ZC2HC1B: variants seen among roughly 807,000 people sequenced by gnomAD.
The protein encoded by ZC2HC1B is zinc finger C2HC domain-containing protein 1B.
In ZC2HC1B, 36 loss-of-function variants were observed where a neutral mutation model predicts 31.0. The ratio of observed to expected loss-of-function variants is 1.16; its 90% CI spans 0.89 to 1.54. The LOEUF (loss-of-function observed/expected upper bound fraction) is 1.54. ZC2HC1B is among the 40% of genes most tolerant of loss of function. The probability of loss-of-function intolerance (pLI) is 0.00; values close to 1 mark genes in which losing one functional copy is unlikely to be tolerated. For synonymous variants in ZC2HC1B, 73 were observed against 88.0 expected (o/e 0.83, Z 0.95); for missense variants, 260 against 268.6 (o/e 0.97, Z 0.22).
At chr6:143,866,168 C>G (rs1777259223) in intron 1 of ZC2HC1B, among the ~76,000 whole-genome samples, 1 of 152,234 alleles carries the variant, frequency 6.6e-6, no homozygotes, top group Non-Finnish European at 1.5e-5. Flanking sequence ...ACTTGGATAT[C>G]ATAGTACCAC....
chr6:143,931,541 G>A (rs1183034092), intron 6 of ZC2HC1B, among the ~76,000 whole-genome samples: 1 of 152,146 alleles, frequency 6.6e-6, no homozygotes, highest in Non-Finnish European at 1.5e-5. Context: ...AATTCTCTCA[G>A]CATTTGTTTG....
chr6:143,891,990 A>G (rs953097838), intron 4 of ZC2HC1B, among the ~76,000 whole-genome samples: 1 of 152,240 alleles, frequency 6.6e-6, no homozygotes, highest in Non-Finnish European at 1.5e-5. Context: ...GGCTAGTCTT[A>G]TCAACAAATG....
intron 6 of ZC2HC1B, among the ~76,000 whole-genome samples, chr6:143,916,486 A>G (rs887668029): frequency 6.6e-6 from 1 of 152,224 alleles, no homozygotes; most frequent in Non-Finnish European, 1.5e-5. Context: ...GCCGTCCTCC[A>G]GACCCCACAA....
At chr6:143,920,937 T>C (rs529355548) in intron 6 of ZC2HC1B, among the ~76,000 whole-genome samples, 36 of 151,368 alleles carry the variant, frequency 2.4e-4, no homozygotes, top group African/African-American at 7.5e-4. Flanking sequence ...TTGACACTAG[T>C]TTCCATAATA....
chr6:143,879,407 G>C (rs985185798), intron 1 of ZC2HC1B, among the ~76,000 whole-genome samples: 1 of 152,140 alleles, frequency 6.6e-6, no homozygotes, highest in Non-Finnish European at 1.5e-5. Context: ...AATTAGATAG[G>C]ATCTGCTATC....
intron 1 of ZC2HC1B, among the ~76,000 whole-genome samples, chr6:143,874,114 G>A (rs1449808991): frequency 7.9e-5 from 12 of 152,058 alleles, no homozygotes; most frequent in East Asian, 3.8e-4. Flanking sequence ...GGTACCCTAC[G>A]TCATATCTCT....
rs1201683522 is a variant in ZC2HC1B at position 143,908,741 on chromosome 6, C to T, written c.598+5589C>T. Among the ~76,000 whole-genome samples the T allele has an allele frequency of 6.6e-6, 1 of 152,144 alleles. No individual in the cohort carries two copies. On this transcript the variant is annotated intron_variant, in intron 6 of 7. Coordinates refer to ENST00000237275, the MANE Select transcript of ZC2HC1B (RefSeq NM_001013623.3). This position sits in a 1 kb window ranked among gnomAD's most constrained non-coding sequence, Gnocchi z 4.4. ...CTGCAAACAAAGATAGTTTGACTTC[C>T]TCTCTTCCTGTTGGAATCTTCTTTC...
chr6:143,892,455 CT>C (rs1185003431), intron 4 of ZC2HC1B, among the ~76,000 whole-genome samples: 1 of 152,062 alleles, frequency 6.6e-6, no homozygotes, highest in Non-Finnish European at 1.5e-5. Context: ...GCCACTGTGC[CT>C]GGCTAATTTT....
intron 6 of ZC2HC1B, among the ~76,000 whole-genome samples, chr6:143,929,293 G>A (rs1778089617): frequency 6.6e-6 from 1 of 152,098 alleles, no homozygotes; most frequent in Admixed American, 6.6e-5. Flanking sequence ...CATCATGATA[G>A]GATGGTCAAT....
At chr6:143,882,938 G>A (rs1005913920) in intron 1 of ZC2HC1B, among the ~76,000 whole-genome samples, 3 of 151,952 alleles carry the variant, frequency 2.0e-5, no homozygotes, top group Non-Finnish European at 2.9e-5. Context: ...TTTTCTCTTT[G>A]CCACCTCCTA....
At chr6:143,901,742 C>T (rs573644364) in intron 5 of ZC2HC1B, among the ~76,000 whole-genome samples, 98 of 152,276 alleles carry the variant, frequency 6.4e-4, no homozygotes, top group Non-Finnish European at 1.1e-3. Flanking sequence ...CCTTTCCTCT[C>T]TCTACATTAC....
intron 6 of ZC2HC1B, among the ~76,000 whole-genome samples, chr6:143,920,025 G>A (rs1322778990): frequency 6.6e-6 from 1 of 152,034 alleles, no homozygotes; most frequent in Non-Finnish European, 1.5e-5. Context: ...AATTGTATGT[G>A]TATTCATTTG....
chr6:143,932,353 G>C (rs1242972728), intron 6 of ZC2HC1B, among the ~76,000 whole-genome samples: 3 of 152,152 alleles, frequency 2.0e-5, no homozygotes, highest in Non-Finnish European at 4.4e-5. Context: ...TCATTTAAAA[G>C]AAATGTTTTT....
Position 143,884,184 on chromosome 6 carries a change from T to TG in ZC2HC1B, c.29-118dup. On this transcript the variant is annotated intron_variant, in intron 1 of 7. Transcript: ENST00000237275. This position sits in a 1 kb window ranked among gnomAD's most constrained non-coding sequence, Gnocchi z 5.1. ...GGTCTTCCCAAAGGGAAGAAGCAGTTGGTGGGGAGGGAAAAGAGAGTGAGG... is the reference window on the plus strand; with the variant it reads ...GGTCTTCCCAAAGGGAAGAAGCAGTTGGGTGGGGAGGGAAAAGAGAGTGAGG... The TG allele has an allele frequency of 3.7e-6, 3 of 821,806 alleles. No homozygotes were observed. In the South Asian group the frequency reaches 7.3e-5, roughly 20 times the overall value. The allele number at this position is 821,806 out of a possible 1,614,324, so 50.9% of individuals were successfully genotyped here. A position where few individuals can be genotyped will look rare whatever the true frequency, so the allele number is the denominator to read the frequency against.
chr6:143,926,882 G>A (rs1282320870), intron 6 of ZC2HC1B, among the ~76,000 whole-genome samples: 1 of 137,984 alleles, frequency 7.2e-6, no homozygotes, highest in Non-Finnish European at 1.5e-5. Flanking sequence ...TGTCGCCCAG[G>A]CCGCTGCAAG....
chr6:143,925,651 C>T (rs556828803), intron 6 of ZC2HC1B, among the ~76,000 whole-genome samples: 1 of 151,688 alleles, frequency 6.6e-6, no homozygotes, highest in East Asian at 1.9e-4. Context: ...ATTCTCCTGC[C>T]TCAGTCTCCC....
intron 6 of ZC2HC1B, among the ~76,000 whole-genome samples, chr6:143,909,156 T>G (rs956097397): frequency 1.3e-5 from 2 of 152,214 alleles, no homozygotes; most frequent in Admixed American, 1.3e-4. Context: ...GATGTGCTGC[T>G]GGATTTGGTT....
intron 6 of ZC2HC1B, among the ~76,000 whole-genome samples, chr6:143,931,864 CTTT>C (rs34072590): frequency 3.0e-4 from 11 of 36,472 alleles, no homozygotes; most frequent in African/African-American, 6.2e-4. Context: ...TCTTCTTCTT[CTTT>C]TTTTTTTTTT....
Position 143,899,149 on chromosome 6 carries a change from A to G in ZC2HC1B, c.489+458A>G, listed in dbSNP as rs1323707036. ...GTCACAGAATCAGCAAGTTAAAGGG[A>G]TATGTGGATGAATGGAAGCAGCTGT... On this transcript the variant is annotated intron_variant, in intron 5 of 7. Coordinates refer to ENST00000237275, the MANE Select transcript of ZC2HC1B (RefSeq NM_001013623.3). This position sits in a 1 kb window ranked among gnomAD's most constrained non-coding sequence, Gnocchi z 5.0. Among the ~76,000 whole-genome samples, 1 of 152,214 alleles carries G rather than the reference A, an allele frequency of 6.6e-6. No individual in the cohort carries two copies. The highest frequency in any genetic ancestry group is 1.5e-5 in the Non-Finnish European group (1 of 68,026).
Sources: gnomAD v4.1 joint callset for allele counts (sites outside exome capture counted in the v4.1 genomes callset) on GRCh38, gnomAD v4.1.1 for gene constraint, Gnocchi (gnomAD v3.1) non-coding constraint, MANE v1.5 for transcripts, NCBI Gene and HGNC (gene_info 2026-07-23, HGNC 2026-07-21) for gene names.